The following ELF1 variants were observed in gnomAD, a reference collection of about 807,000 sequenced individuals.
ELF1 encodes the protein E74 like ETS transcription factor 1.
Under a neutral mutation model 59.9 loss-of-function variants are expected in ELF1, and 24 were observed. The observed-to-expected ratio is 0.40, with a 90% confidence interval of 0.29 to 0.56. The LOEUF is 0.56. Ranked by LOEUF, ELF1 falls within the 20% of genes least tolerant of loss-of-function variation. The probability of loss-of-function intolerance (pLI) is 0.44; values close to 1 mark genes in which losing one functional copy is unlikely to be tolerated. For synonymous variants in ELF1, 248 were observed against 266.2 expected (o/e 0.93, Z 0.67); for missense variants, 627 against 742.2 (o/e 0.84, Z 1.80).
At chr13:41,026,689 G>A (rs1875941510) in intron 1 of ELF1, among the ~76,000 whole-genome samples, 1 of 152,128 alleles carries the variant, frequency 6.6e-6, no homozygotes, top group Non-Finnish European at 1.5e-5. Context: ...GGGCCACCAA[G>A]TTATCATGCA....
At chr13:40,966,232 C>T (rs1373540952) in intron 2 of ELF1, among the ~76,000 whole-genome samples, 1 of 152,176 alleles carries the variant, frequency 6.6e-6, no homozygotes, top group African/African-American at 2.4e-5. Context: ...GTTTCCAAAG[C>T]TTCAATATCT....
intron 3 of ELF1, among the ~76,000 whole-genome samples, chr13:40,952,156 A>G (rs892637279): frequency 6.6e-6 from 1 of 152,140 alleles, no homozygotes; most frequent in Non-Finnish European, 1.5e-5. Flanking sequence ...AGAATTTCCC[A>G]TAGTTTGGAT....
intron 1 of ELF1, chr13:40,993,099 A>G: frequency 6.2e-7 from 1 of 1,607,706 alleles, no homozygotes; most frequent in Non-Finnish European, 8.5e-7. Context: ...AGACCAGGGC[A>G]AGACTTCCTC....
At chr13:40,973,269 G>A (rs1872691644) in intron 2 of ELF1, among the ~76,000 whole-genome samples, 1 of 152,094 alleles carries the variant, frequency 6.6e-6, no homozygotes, top group Non-Finnish European at 1.5e-5. Context: ...CAGGTTAAAT[G>A]GGTCAGCTTA....
intron 2 of ELF1, among the ~76,000 whole-genome samples, chr13:40,979,678 G>C (rs186959330): frequency 6.6e-6 from 1 of 152,208 alleles, no homozygotes; most frequent in East Asian, 1.9e-4. Flanking sequence ...GGAAACAAAT[G>C]AGACACAAAA....
In ELF1 at chr13:40,941,170, C is replaced by T. The variant is rs1402278543; in HGVS notation, c.1007G>A (p.Gly336Glu). Reference sequence around the variant, plus strand: ...AACTGTAGTGGCTCCTCCTTTTACCCCTGGACTTGAAGATACTCTCGACCG... The same window carrying T: ...AACTGTAGTGGCTCCTCCTTTTACCTCTGGACTTGAAGATACTCTCGACCG... ...TSRSRVSSSP[G>E]VKGGATTVLK... Residue 336 changes from glycine to glutamate, a missense_variant, in exon 8 of 9, where the codon GGG becomes GAG. This residue lies in a region of ELF1 where 361 missense variants were observed against 396.1 expected (regional missense o/e 0.91). Coordinates refer to ENST00000239882, the MANE Select transcript of ELF1 (RefSeq NM_172373.4). The T allele has an allele frequency of 3.7e-6, 6 of 1,614,040 alleles. No individual in the cohort carries two copies. Among genetic ancestry groups the T allele is most frequent in the Middle Eastern group, 1.6e-4 (1 of 6,062 alleles).
At chr13:41,008,888 T>A (rs1265157405) in intron 1 of ELF1, among the ~76,000 whole-genome samples, 1 of 152,004 alleles carries the variant, frequency 6.6e-6, no homozygotes, top group East Asian at 1.9e-4. Flanking sequence ...TTCTGTGAAG[T>A]CAAAGCTAAA....
intron 1 of ELF1, among the ~76,000 whole-genome samples, chr13:41,039,771 G>A (rs1456144315): frequency 6.6e-6 from 1 of 152,172 alleles, no homozygotes; most frequent in Non-Finnish European, 1.5e-5. Context: ...GGTAGTGGGT[G>A]TATGAGTACT....
At chr13:40,968,044 C>A (rs1414308559) in intron 2 of ELF1, among the ~76,000 whole-genome samples, 2 of 152,142 alleles carry the variant, frequency 1.3e-5, no homozygotes, top group Admixed American at 1.3e-4. Context: ...CCACACTTAG[C>A]AACAACATTT....
chr13:41,047,526 G>A (rs1405317236), intron 1 of ELF1, among the ~76,000 whole-genome samples: 1 of 152,208 alleles, frequency 6.6e-6, no homozygotes, highest in Non-Finnish European at 1.5e-5. Context: ...AGGTCTGTTG[G>A]AGTTTGCTGG....
chr13:40,947,888 G>C (rs192724018), intron 5 of ELF1, among the ~76,000 whole-genome samples: 1 of 152,182 alleles, frequency 6.6e-6, no homozygotes, highest in African/African-American at 2.4e-5. Context: ...ATGATTAGAG[G>C]TTTTAAAGCA....
At chr13:40,960,024 A>G (rs1244716986) in intron 2 of ELF1, among the ~76,000 whole-genome samples, 1 of 152,186 alleles carries the variant, frequency 6.6e-6, no homozygotes, top group Non-Finnish European at 1.5e-5. Flanking sequence ...ATATTCCCTC[A>G]GTTCTAACAT....
chr13:40,972,601 A>T (rs1466369192), intron 2 of ELF1, among the ~76,000 whole-genome samples: 1 of 152,210 alleles, frequency 6.6e-6, no homozygotes, highest in Admixed American at 6.5e-5. Flanking sequence ...GATTTATCTC[A>T]GGTCATTAAT....
chr13:41,028,810 T>C (rs1876049795), intron 1 of ELF1, among the ~76,000 whole-genome samples: 1 of 152,330 alleles, frequency 6.6e-6, no homozygotes, highest in Admixed American at 6.5e-5. Flanking sequence ...CTTGGTTCAC[T>C]GCAACCTCTG....
In ELF1 at chr13:40,958,967, C is replaced by T. The variant is rs1202088721; in HGVS notation, c.122G>A (p.Gly41Asp). ...GGCATAACTATTGAGAATATCAGCA[C>T]CAGGAACATGTTCCACAATTACGGC... is the stretch of plus-strand genomic sequence containing the variant. ...FPAVIVEHVP[G>D]ADILNSYAGL... The change falls in exon 3 of 9, where the codon GGT (glycine) becomes GAT (aspartate). Residue 41 changes from glycine to aspartate, a missense_variant. Transcript: ENST00000239882. 33 of 1,613,358 alleles carry T rather than the reference C, an allele frequency of 2.0e-5. 1 individual carries two copies. The highest frequency in any genetic ancestry group is 2.6e-5 in the Non-Finnish European group (31 of 1,179,772).
At chr13:41,057,057 G>A (rs893252326) in intron 1 of ELF1, among the ~76,000 whole-genome samples, 3 of 152,154 alleles carry the variant, frequency 2.0e-5, no homozygotes, top group Admixed American at 6.5e-5. Context: ...AAGGTCTTCG[G>A]ATTTTAGCTG....
chr13:41,058,837 G>T (rs1241295857), intron 1 of ELF1, among the ~76,000 whole-genome samples: 2 of 152,222 alleles, frequency 1.3e-5, no homozygotes, highest in African/African-American at 4.8e-5. Context: ...GCCACGCGTG[G>T]TGGCGGGTGT....
At chr13:40,934,416 CT>C (rs10692930) in intron 8 of ELF1, among the ~76,000 whole-genome samples, 5,371 of 101,556 alleles carry the variant, frequency 0.053, 267 homozygotes, top group East Asian at 0.26. Flanking sequence ...TTCATTCCTG[CT>C]TTTTTTTTTT....
At chr13:40,985,695 T>A (rs1873514795) in intron 1 of ELF1, among the ~76,000 whole-genome samples, 1 of 152,170 alleles carries the variant, frequency 6.6e-6, no homozygotes, top group South Asian at 2.1e-4. Context: ...AAATGCATCA[T>A]CTAATTCCTC....
Sources: allele counts gnomAD v4.1 joint callset (sites outside exome capture counted in the v4.1 genomes callset), GRCh38; gene constraint gnomAD v4.1.1; regional missense constraint gnomAD v4.1.1; transcripts MANE v1.5; gene names NCBI Gene and HGNC (gene_info 2026-07-23, HGNC 2026-07-21).